The following GOLGA4 variants were observed in gnomAD, a reference collection of about 807,000 sequenced individuals.
GOLGA4 encodes golgin A4, also known as golgin subfamily A member 4.
Under a neutral mutation model 265.9 loss-of-function variants are expected in GOLGA4, and 169 were observed. The observed-to-expected ratio is 0.64, with a 90% confidence interval of 0.56 to 0.72. GOLGA4 has a LOEUF of 0.72. Ranked by LOEUF, GOLGA4 falls within the 30% of genes least tolerant of loss-of-function variation. The probability of loss-of-function intolerance (pLI) is 0.00; values close to 1 mark genes in which losing one functional copy is unlikely to be tolerated. For missense variants in GOLGA4, 2,482 were observed against 2,483.4 expected (o/e 1.00, Z 0.01); for synonymous variants, 923 against 855.8 (o/e 1.08, Z -1.37).
At chr3:37,293,499 A>G (rs1388119044) in intron 5 of GOLGA4, among the ~76,000 whole-genome samples, 3 of 152,336 alleles carry the variant, frequency 2.0e-5, no homozygotes, top group Admixed American at 6.5e-5. Flanking sequence ...GTAATAAAAA[A>G]TATTGATTAT....
chr3:37,244,716 A>C (rs985181296), intron 1 of GOLGA4, among the ~76,000 whole-genome samples: 8 of 152,234 alleles, frequency 5.3e-5, no homozygotes, highest in Admixed American at 3.9e-4. Flanking sequence ...TTCTTTTTAA[A>C]TGTAAAGCTC....
Position 37,315,394 on chromosome 3 carries a change from CTTGTTTTCTG to C in GOLGA4, c.1235-17_1235-8del. 1 of 1,584,548 alleles carries C rather than the reference CTTGTTTTCTG, an allele frequency of 6.3e-7. No homozygotes were observed. The highest frequency in any genetic ancestry group is 8.6e-7 in the Non-Finnish European group (1 of 1,162,834). On this transcript the variant is annotated splice_polypyrimidine_tract_variant and intron_variant, in intron 10 of 23. Transcript: ENST00000361924. ...CTCAATGATAATATTTCTTGAGATA[CTTGTTTTCTG>C]TTGTTTTCATTATAGCTTTTGAGGA... is the stretch of plus-strand genomic sequence containing the variant.
At chr3:37,280,137 A>G (rs2096830903) in intron 2 of GOLGA4, among the ~76,000 whole-genome samples, 1 of 152,140 alleles carries the variant, frequency 6.6e-6, no homozygotes, top group African/African-American at 2.4e-5. Flanking sequence ...TGGTGATACT[A>G]CTGTGCTGCT....
chr3:37,351,070 TTCAAAATTGCGGTCAGTTCTC>T (rs1054591689), intron 21 of GOLGA4, among the ~76,000 whole-genome samples: 5 of 152,144 alleles, frequency 3.3e-5, no homozygotes, highest in African/African-American at 1.2e-4. Flanking sequence ...TAGAACTTCT[TTCAAAATTGCGGTCAGTTCTC>T]TCAAAATTGC....
intron 2 of GOLGA4, among the ~76,000 whole-genome samples, chr3:37,269,556 A>G (rs1293398251): frequency 6.6e-6 from 1 of 152,198 alleles, no homozygotes; most frequent in Non-Finnish European, 1.5e-5. Context: ...ACAGAAAAAA[A>G]AAATAGGCAT....
Position 37,325,310 on chromosome 3 carries a change from G to A in GOLGA4, c.3424G>A (p.Asp1142Asn). The change falls in exon 14 of 24, where the codon GAC (aspartate) becomes AAC (asparagine). Residue 1142 changes from aspartate (D) to asparagine (N), a missense_variant. By Grantham distance (23) the Asp-to-Asn change is conservative. Around this residue, in one of 3 missense-constraint regions of GOLGA4, gnomAD observed 1,536 missense variants for 1,483.7 expected, o/e 1.04. Coordinates refer to ENST00000361924, the MANE Select transcript of GOLGA4 (RefSeq NM_002078.5). Reference protein sequence around the residue: ...LKAHLEKLEVDLNKSLKENTF... With the variant: ...LKAHLEKLEVNLNKSLKENTF... ...AGCTCATCTTGAAAAGCTAGAGGTTGACTTGAATAAGTCTCTGAAGGAAAA... is the reference window on the plus strand; with the variant it reads ...AGCTCATCTTGAAAAGCTAGAGGTTAACTTGAATAAGTCTCTGAAGGAAAA... The A allele has an allele frequency of 6.2e-7, 1 of 1,613,714 alleles. No homozygotes were observed. Among genetic ancestry groups the A allele is most frequent in the Non-Finnish European group, 8.5e-7 (1 of 1,179,760 alleles).
At chr3:37,362,170 A>T (rs1420523569) in intron 23 of GOLGA4, among the ~76,000 whole-genome samples, 1 of 151,944 alleles carries the variant, frequency 6.6e-6, no homozygotes, top group African/African-American at 2.4e-5. Context: ...AAATGGCAAG[A>T]TACAACATTT....
intron 21 of GOLGA4, among the ~76,000 whole-genome samples, chr3:37,353,874 T>G (rs958244432): frequency 4.6e-5 from 7 of 152,012 alleles, no homozygotes; most frequent in African/African-American, 1.7e-4. Context: ...ATTACAGTTG[T>G]TAGCCACCAT....
At chr3:37,299,508 T>C in intron 9 of GOLGA4, 137 bp downstream of exon 9, 1 of 620,156 alleles carries the variant, frequency 1.6e-6, no homozygotes, top group Non-Finnish European at 2.9e-6. Context: ...ATCTTTAATT[T>C]CTAGATTTTT....
At chr3:37,296,278 G>GCTTA in intron 7 of GOLGA4, 59 bp downstream of exon 7, 1 of 1,551,364 alleles carries the variant, frequency 6.4e-7, no homozygotes, top group Non-Finnish European at 8.8e-7. Context: ...AGGCTCCTTG[G>GCTTA]CTTACACCTT....
At chr3:37,310,083 T>A (rs2096918930) in intron 10 of GOLGA4, among the ~76,000 whole-genome samples, 1 of 152,254 alleles carries the variant, frequency 6.6e-6, no homozygotes, top group South Asian at 2.1e-4. Flanking sequence ...GCTTACTTAC[T>A]CATTCTTCAT....
chr3:37,292,403 CG>C (rs1180328118), intron 5 of GOLGA4, among the ~76,000 whole-genome samples: 1 of 152,074 alleles, frequency 6.6e-6, no homozygotes, highest in Non-Finnish European at 1.5e-5. Context: ...TAGTTGTGGC[CG>C]GGCACAGTGG....
At chr3:37,251,346 C>A in intron 1 of GOLGA4, 49 bp from the exon 2 acceptor site, 1 of 1,139,220 alleles carries the variant, frequency 8.8e-7, no homozygotes, top group South Asian at 1.2e-5. Context: ...GTTCATAGTT[C>A]ACTAGTCAAT....
In GOLGA4 at chr3:37,326,611, A is replaced by C; in HGVS notation, c.4725A>C (p.Glu1575Asp). ...KLQHFQELGE[E>D]KDNRVKEAEE... ...AACATTTTCAAGAGTTAGGAGAAGA[A>C]AAGGACAACAGGGTTAAAGAAGCTG... Residue 1575 changes from glutamate to aspartate, a missense_variant, in exon 14 of 24, where the codon GAA becomes GAC. Transcript: ENST00000361924. 6.2e-7 allele frequency: 1 copy of C among 1,613,386 alleles called. No individual in the cohort carries two copies. The highest frequency in any genetic ancestry group is 1.1e-5 in the South Asian group (1 of 90,896).
At chr3:37,288,298 A>G (rs898264472) in intron 4 of GOLGA4, among the ~76,000 whole-genome samples, 2 of 146,298 alleles carry the variant, frequency 1.4e-5, no homozygotes, top group Non-Finnish European at 3.0e-5. Context: ...TTAAGTAGAG[A>G]TGGGGTTTCA....
In GOLGA4 at chr3:37,328,948, A is replaced by G. The variant is rs766141791; in HGVS notation, c.6062-15A>G. 2 of 1,564,512 alleles carry G rather than the reference A, an allele frequency of 1.3e-6. No homozygotes were observed. The highest frequency in any genetic ancestry group is 1.7e-6 in the Non-Finnish European group (2 of 1,161,534). On this transcript the variant is annotated splice_polypyrimidine_tract_variant and intron_variant, in intron 15 of 23. Coordinates refer to ENST00000361924, the MANE Select transcript of GOLGA4 (RefSeq NM_002078.5). ...CTAATGTGTTTTCTTGTGTGTGTTC[A>G]TTTTTATTTATTAGATAAGGCCCAG...
intron 2 of GOLGA4, among the ~76,000 whole-genome samples, chr3:37,254,772 G>T (rs914788357): frequency 6.6e-6 from 1 of 150,424 alleles, no homozygotes; most frequent in Non-Finnish European, 1.5e-5. Flanking sequence ...AAAGTGCTGG[G>T]ATTACGGGCG....
intron 12 of GOLGA4, chr3:37,320,234 T>C (rs1032907868): frequency 6.6e-6 from 1 of 152,184 alleles, no homozygotes; most frequent in African/African-American, 2.4e-5. Flanking sequence ...TCTTCACTTA[T>C]GAAAGCCTTT....
intron 23 of GOLGA4, among the ~76,000 whole-genome samples, chr3:37,365,426 C>T (rs139973554): frequency 9.2e-5 from 14 of 152,200 alleles, no homozygotes; most frequent in African/African-American, 1.9e-4. Context: ...CCACCACGGC[C>T]GGCTAATTTT....
Sources: gnomAD v4.1 joint callset for allele counts (sites outside exome capture counted in the v4.1 genomes callset) on GRCh38, gnomAD v4.1.1 for gene constraint, gnomAD v4.1.1 regional missense constraint, MANE v1.5 for transcripts, NCBI Gene and HGNC (gene_info 2026-07-23, HGNC 2026-07-21) for gene names.